The following CDC42BPB variants were observed in gnomAD, a reference collection of about 807,000 sequenced individuals.
CDC42BPB encodes serine/threonine-protein kinase MRCK beta.
Under a neutral mutation model 214.9 loss-of-function variants are expected in CDC42BPB, and 37 were observed. The observed-to-expected ratio is 0.17, with a 90% CI of 0.13 to 0.23. CDC42BPB has a LOEUF of 0.23. Ranked by LOEUF, CDC42BPB falls within the 10% of genes least tolerant of loss-of-function variation. The pLI is 1.00. For missense variants in CDC42BPB, 1,694 were observed against 2,227.0 expected, an observed-to-expected ratio of 0.76 and a Z score of 4.82; for synonymous variants, 931 against 884.0, an observed-to-expected ratio of 1.05 and a Z score of -0.94.
chr14:102,972,796 T>C (rs956617863), intron 12 of CDC42BPB, among the ~76,000 whole-genome samples: 1 of 143,546 alleles, frequency 7.0e-6, no homozygotes, highest in Non-Finnish European at 1.5e-5. Flanking sequence ...CTCCGTAATG[T>C]CAGCCTCTGC....
At chr14:103,006,702 T>C (rs142173521) in intron 3 of CDC42BPB, among the ~76,000 whole-genome samples, 2,898 of 152,268 alleles carry the variant, frequency 0.019, 34 homozygotes, top group Middle Eastern at 0.024. Flanking sequence ...AAAAGATAAA[T>C]TATTTGCAAC....
intron 14 of CDC42BPB, among the ~76,000 whole-genome samples, chr14:102,969,927 CT>C (rs1430817841): frequency 3.9e-5 from 6 of 152,234 alleles, no homozygotes; most frequent in African/African-American, 1.4e-4. Context: ...TTGCCTGAAA[CT>C]TTTATATAAC....
chr14:102,936,743 T>C (rs1016969397), intron 36 of CDC42BPB, among the ~76,000 whole-genome samples: 2 of 152,242 alleles, frequency 1.3e-5, no homozygotes, highest in East Asian at 3.8e-4. Context: ...CCACCTCAGC[T>C]TCACTAGTAG....
In CDC42BPB at chr14:102,938,088, C is replaced by T. The variant is rs372691530; in HGVS notation, c.5004+16G>A. The stretch of plus-strand genomic sequence containing the variant: ...GGTGGCTCATAGCCTCAGCACTGGA[C>T]CTGGGCAAGTCTCACCTCTTTGTCA... On this transcript the variant is annotated intron_variant, in intron 36 of 36. Coordinates refer to ENST00000361246, the MANE Select transcript of CDC42BPB (RefSeq NM_006035.4). The T allele has an allele frequency of 1.2e-6, 2 of 1,613,434 alleles. No homozygotes were observed. Among genetic ancestry groups the T allele is most frequent in the Non-Finnish European group, 1.7e-6 (2 of 1,179,774 alleles).
rs1895125345 is a variant in CDC42BPB at position 103,004,134 on chromosome 14, GC to G, written c.352-112del. 58 of 1,411,160 alleles carry G rather than the reference GC, an allele frequency of 4.1e-5. No homozygotes were observed. The highest frequency in any genetic ancestry group is 5.4e-5 in the Non-Finnish European group (58 of 1,077,648). 87.4% of individuals were successfully genotyped at this position (1,411,160 alleles called of 1,614,324 possible). A position where few individuals can be genotyped will look rare whatever the true frequency, so the allele number is the denominator to read the frequency against. On this transcript the variant is annotated intron_variant, in intron 3 of 36. Transcript: ENST00000361246. The surrounding 1 kb of genome is among the most constrained non-coding windows in gnomAD (Gnocchi z 5.3). ...CAGTGGCTCCAGCCACGGTGTCCCT[GC>G]CTTCCGGGCTCCTCCTCGTGCACCA...
intron 30 of CDC42BPB, chr14:102,941,130 C>G: frequency 2.0e-6 from 2 of 985,458 alleles, no homozygotes; most frequent in Non-Finnish European, 2.4e-6. Flanking sequence ...CTCAGTCCCT[C>G]TGTGTGGGTG....
At chr14:102,935,224 G>A (rs72704744) in intron 36 of CDC42BPB, among the ~76,000 whole-genome samples, 1,989 of 151,738 alleles carry the variant, frequency 0.013, 21 homozygotes, top group Middle Eastern at 0.044. Flanking sequence ...CCAAAGAAAA[G>A]AATCCACAAA....
At chr14:102,997,737 G>T (rs1028877452) in intron 5 of CDC42BPB, among the ~76,000 whole-genome samples, 6 of 152,242 alleles carry the variant, frequency 3.9e-5, no homozygotes, top group African/African-American at 1.4e-4. Flanking sequence ...AGAAGTTTAT[G>T]TAAGTGTAGT....
intron 2 of CDC42BPB, among the ~76,000 whole-genome samples, chr14:103,009,196 C>T (rs931075484): frequency 3.9e-5 from 6 of 152,218 alleles, no homozygotes; most frequent in African/African-American, 9.6e-5. Flanking sequence ...AGCATGTCCC[C>T]GTGCCTGCAG....
At chr14:103,034,773 G>A (rs192883374) in intron 1 of CDC42BPB, among the ~76,000 whole-genome samples, 63 of 150,350 alleles carry the variant, frequency 4.2e-4, no homozygotes, top group East Asian at 7.9e-4. Context: ...AGCTAAGATC[G>A]TGCCACTGCG....
chr14:102,947,802 T>G lies in CDC42BPB; in HGVS notation c.3450A>C (p.Arg1150Ser), dbSNP rs1359377150. ...CTGAGCTCACGGAAAACTCGTCATCTCTGGTAAGGAAGAAACATTGACCCC... is the reference window on the plus strand; with the variant it reads ...CTGAGCTCACGGAAAACTCGTCATCGCTGGTAAGGAAGAAACATTGACCCC... The part of the protein sequence containing the change: ...GVIASQVLDL[R>S]DDEFSVSSVL... The change falls in exon 27 of 37, where the codon AGA becomes AGC. Residue 1150 changes from arginine (R) to serine (S), a missense_variant and splice_region_variant. By Grantham distance (110) the Arg-to-Ser change is moderately radical. Transcript: ENST00000361246. 1 of 1,612,494 alleles carries G rather than the reference T, an allele frequency of 6.2e-7. No individual in the cohort carries two copies.
intron 16 of CDC42BPB, 127 bp downstream of exon 16, chr14:102,968,126 G>T: frequency 1.5e-6 from 1 of 648,078 alleles, no homozygotes; most frequent in South Asian, 2.0e-5. Context: ...CAAGACTCAA[G>T]AATGACGACA....
At chr14:102,941,533 A>C in intron 30 of CDC42BPB, 1 of 985,456 alleles carries the variant, frequency 1.0e-6, no homozygotes, top group Non-Finnish European at 1.2e-6. Flanking sequence ...AAGCAGCCCC[A>C]GACACTGCCC....
In CDC42BPB at chr14:103,057,493, C is replaced by G. The variant is rs905941234; in HGVS notation, c.-320G>C. Reference sequence around the variant, plus strand: ...CGCGCCCTCCCCGCCGCCGCCGCCGCAGACTAGGAGCGGCGAGGAGCCTAG... The same window carrying G: ...CGCGCCCTCCCCGCCGCCGCCGCCGGAGACTAGGAGCGGCGAGGAGCCTAG... On this transcript the variant is annotated 5_prime_UTR_variant, in exon 1 of 37. Coordinates refer to ENST00000361246, the MANE Select transcript of CDC42BPB (RefSeq NM_006035.4). 11 of 182,772 alleles carry G rather than the reference C, an allele frequency of 6.0e-5. No homozygotes were observed. Among genetic ancestry groups the G allele is most frequent in the Non-Finnish European group, 1.1e-4 (11 of 98,564 alleles). 11.3% of individuals were successfully genotyped at this position (182,772 alleles called of 1,614,324 possible). A position where few individuals can be genotyped will look rare whatever the true frequency, so the allele number is the denominator to read the frequency against.
chr14:103,003,184 C>T (rs1895068948), intron 4 of CDC42BPB, among the ~76,000 whole-genome samples: 2 of 152,144 alleles, frequency 1.3e-5, no homozygotes, highest in African/African-American at 4.8e-5. Flanking sequence ...TGAGGTCTGC[C>T]CGCGTCACGT....
chr14:102,987,301 G>A (rs773366339), intron 5 of CDC42BPB, among the ~76,000 whole-genome samples: 41 of 152,230 alleles, frequency 2.7e-4, no homozygotes, highest in African/African-American at 8.2e-4. Flanking sequence ...CTTTCTGTGC[G>A]CTCTCAAACA....
intron 1 of CDC42BPB, among the ~76,000 whole-genome samples, chr14:103,014,793 G>C (rs1886361647): frequency 6.6e-6 from 1 of 152,048 alleles, no homozygotes; most frequent in African/African-American, 2.4e-5. Context: ...AAGAAAGAAA[G>C]GCCAGGCTGA....
In CDC42BPB at chr14:102,953,165, C is replaced by T. The variant is rs563401116; in HGVS notation, c.3067-562G>A. ...TCGTGGTGCAGGCCATGCGGGACCG[C>T]CTGTTTACCAAGCTCAGGCGCAGCA... On this transcript the variant is annotated intron_variant, in intron 23 of 36. Coordinates refer to ENST00000361246, the MANE Select transcript of CDC42BPB (RefSeq NM_006035.4). Among the ~76,000 whole-genome samples, 7 of 152,380 alleles carry T rather than the reference C, an allele frequency of 4.6e-5. 1 individual carries two copies. In the South Asian group the frequency reaches 1.5e-3, roughly 32 times the overall value.
At position 102,932,391 on chromosome 14, in the gene CDC42BPB, T is replaced by C. The variant is rs1891412494; in HGVS notation, c.*1321A>G. 6.6e-6 allele frequency: 1 copy of C among 152,282 alleles called. No individual in the cohort carries two copies. Among genetic ancestry groups the C allele is most frequent in the Non-Finnish European group, 1.5e-5 (1 of 68,048 alleles). 9.4% of individuals were successfully genotyped at this position (152,282 alleles called of 1,614,324 possible). On this transcript the variant is annotated 3_prime_UTR_variant, in exon 37 of 37. Transcript: ENST00000361246. The stretch of plus-strand genomic sequence containing the variant: ...AACGGACCACTGGGAACTTTAAAAC[T>C]GCCGTCTTCTGCTTTATTGACAGGT...
Sources: gnomAD v4.1 joint callset for allele counts (sites outside exome capture counted in the v4.1 genomes callset) on GRCh38, gnomAD v4.1.1 for gene constraint, Gnocchi (gnomAD v3.1) non-coding constraint, MANE v1.5 for transcripts, NCBI Gene and HGNC (gene_info 2026-07-23, HGNC 2026-07-21) for gene names.